The following WNT7B variants were observed in gnomAD, a reference collection of about 807,000 sequenced individuals.
WNT7B encodes the protein protein Wnt-7b.
In WNT7B, 19 loss-of-function variants were observed where a neutral mutation model predicts 38.2. That is an observed-to-expected ratio of 0.50 (90% CI 0.35 to 0.73). The LOEUF is 0.73. Ranked by LOEUF, WNT7B falls within the 30% of genes least tolerant of loss-of-function variation. The pLI is 0.01. For missense variants in WNT7B, 423 were observed against 507.9 expected (o/e 0.83, Z 1.61); for synonymous variants, 243 against 209.3 (o/e 1.16, Z -1.39).
chr22:45,974,081 A>G (rs1932505306), intron 1 of WNT7B, among the ~76,000 whole-genome samples: 2 of 152,186 alleles, frequency 1.3e-5, no homozygotes, highest in Non-Finnish European at 2.9e-5. Context: ...CATCACAGTC[A>G]TTAACAATAA....
chr22:45,935,618 G>A lies in WNT7B; in HGVS notation c.299-4249C>T, dbSNP rs116030044. On this transcript the variant is annotated intron_variant, in intron 2 of 3. Coordinates refer to ENST00000339464, the MANE Select transcript of WNT7B (RefSeq NM_058238.3). Reference sequence around the variant, plus strand: ...CTGGGCTCTCACTGGGTGCCCCTCAGGCTGCAGGCAGGATCCACATCTGAT... The same window carrying A: ...CTGGGCTCTCACTGGGTGCCCCTCAAGCTGCAGGCAGGATCCACATCTGAT... Among the ~76,000 whole-genome samples the A allele has an allele frequency of 2.2e-3, 331 of 152,318 alleles. 3 individuals are homozygous for A. The highest frequency in any genetic ancestry group is 7.5e-3 in the African/African-American group (313 of 41,566).
intron 3 of WNT7B, among the ~76,000 whole-genome samples, chr22:45,927,953 G>A (rs975480416): frequency 6.6e-6 from 1 of 152,228 alleles, no homozygotes; most frequent in African/African-American, 2.4e-5. Context: ...GGTGAAGACA[G>A]GCAGGGGCTG....
At chr22:45,958,206 C>T (rs918101241) in intron 1 of WNT7B, among the ~76,000 whole-genome samples, 5 of 152,198 alleles carry the variant, frequency 3.3e-5, no homozygotes, top group Non-Finnish European at 5.9e-5. Context: ...GACGTGGCCC[C>T]TCTGGCTAAG....
At chr22:45,942,098 G>A (rs1569116418) in intron 2 of WNT7B, among the ~76,000 whole-genome samples, 2 of 152,134 alleles carry the variant, frequency 1.3e-5, no homozygotes, top group East Asian at 3.8e-4. Flanking sequence ...TGGATGGGGA[G>A]TACTGTCCCC....
chr22:45,936,064 T>C (rs1457172604), intron 2 of WNT7B: 1 of 985,244 alleles, frequency 1.0e-6, no homozygotes, highest in Non-Finnish European at 1.2e-6. Context: ...CAGAGCAGAC[T>C]ATATTCTGGC....
At chr22:45,953,851 T>C (rs1601733248) in intron 1 of WNT7B, among the ~76,000 whole-genome samples, 1 of 152,120 alleles carries the variant, frequency 6.6e-6, no homozygotes, top group Non-Finnish European at 1.5e-5. Flanking sequence ...TAGACAATGG[T>C]TTGGCAGTTC....
intron 2 of WNT7B, among the ~76,000 whole-genome samples, chr22:45,942,961 A>G (rs949934876): frequency 2.1e-5 from 3 of 142,772 alleles, no homozygotes; most frequent in Admixed American, 6.9e-5. Flanking sequence ...TGCAGTGTGC[A>G]TGTGTGTGTG....
rs113889288 is a variant in WNT7B at position 45,945,225 on chromosome 22, A to G, written c.298+4695T>C. On this transcript the variant is annotated intron_variant, in intron 2 of 3. Coordinates refer to ENST00000339464, the MANE Select transcript of WNT7B (RefSeq NM_058238.3). ...CAGCCTCCTGAGTAGCTGGGAGTAC[A>G]GGCATGTGCCACCACACTCAGCTAA... 4.0e-3 allele frequency among the ~76,000 whole-genome samples: 606 copies of G among 152,188 alleles called. 4 individuals carry two copies. Among genetic ancestry groups the G allele is most frequent in the Non-Finnish European group, 3.8e-3 (257 of 68,018 alleles).
In WNT7B at chr22:45,931,334, C is replaced by T; in HGVS notation, c.334G>A (p.Ala112Thr). Residue 112 changes from alanine to threonine, a missense_variant, in exon 3 of 4, where the codon GCG becomes ACG. Ala to Thr is a moderately conservative substitution (Grantham distance 58). Transcript: ENST00000339464. ...REAAFTYAIT[A>T]AGVAHAVTAA... The stretch of plus-strand genomic sequence containing the variant: ...GTGACGGCGTGCGCCACGCCAGCCG[C>T]GGTGATGGCGTACGTGAAGGCAGCC... The T allele has an allele frequency of 1.3e-6, 2 of 1,595,586 alleles. No individual in the cohort carries two copies. Among genetic ancestry groups the T allele is most frequent in the Non-Finnish European group, 1.7e-6 (2 of 1,177,924 alleles).
chr22:45,934,959 G>A (rs1055027313), intron 2 of WNT7B, among the ~76,000 whole-genome samples: 3 of 152,214 alleles, frequency 2.0e-5, no homozygotes, highest in Admixed American at 2.0e-4. Flanking sequence ...TGCCTGTGTT[G>A]TCTGGTTTAA....
rs1932550271 is a variant in WNT7B, at chr22:45,976,320, G to A, written c.71+364C>T. ...CGCACCCTCCAGGCGGCGAGCGCTC[G>A]GCCCGGGCTCGGCGCCCAGCGCAGC... is the stretch of plus-strand genomic sequence containing the variant. On this transcript the variant is annotated intron_variant, in intron 1 of 3. Coordinates refer to ENST00000339464, the MANE Select transcript of WNT7B (RefSeq NM_058238.3). This position sits in a 1 kb window ranked among gnomAD's most constrained non-coding sequence, Gnocchi z 8.5. Among the ~76,000 whole-genome samples the A allele has an allele frequency of 6.7e-6, 1 of 149,746 alleles. No individual in the cohort carries two copies. Among genetic ancestry groups the A allele is most frequent in the African/African-American group, 2.4e-5 (1 of 41,062 alleles).
intron 1 of WNT7B, among the ~76,000 whole-genome samples, chr22:45,974,364 C>T (rs956345699): frequency 2.6e-5 from 4 of 152,200 alleles, no homozygotes; most frequent in African/African-American, 4.8e-5. Context: ...TAACCCCTGA[C>T]GACACACCTG....
chr22:45,931,936 G>A (rs931958745), intron 2 of WNT7B, among the ~76,000 whole-genome samples: 1 of 152,196 alleles, frequency 6.6e-6, no homozygotes, highest in African/African-American at 2.4e-5. Flanking sequence ...AAGTCACACA[G>A]CTCAGAAGCT....
chr22:45,960,895 TG>T (rs937101096), intron 1 of WNT7B, among the ~76,000 whole-genome samples: 2 of 152,170 alleles, frequency 1.3e-5, no homozygotes, highest in African/African-American at 4.8e-5. Flanking sequence ...CAGGGTTCCT[TG>T]GGGCTGAGTA....
chr22:45,944,974 C>T (rs1390594307), intron 2 of WNT7B, among the ~76,000 whole-genome samples: 1 of 152,254 alleles, frequency 6.6e-6, no homozygotes, highest in East Asian at 1.9e-4. Context: ...CCACCCCCTC[C>T]TGTCCCCTAT....
At chr22:45,934,382 A>C (rs1931459592) in intron 2 of WNT7B, among the ~76,000 whole-genome samples, 1 of 152,178 alleles carries the variant, frequency 6.6e-6, no homozygotes, top group African/African-American at 2.4e-5. Context: ...GCGCAGCTGT[A>C]GGCAGGCTCT....
At chr22:45,936,030 T>G (rs1298319193) in intron 2 of WNT7B, 1 of 985,362 alleles carries the variant, frequency 1.0e-6, no homozygotes, top group Non-Finnish European at 1.2e-6. Context: ...AGCAGCAGCA[T>G]CCAGCAGTAT....
In WNT7B at chr22:45,924,297, A is replaced by C. The variant is rs367801622; in HGVS notation, c.571-962T>G. Among the ~76,000 whole-genome samples the C allele has an allele frequency of 2.9e-4, 44 of 152,316 alleles. 1 individual carries two copies. In the South Asian group the frequency reaches 8.7e-3, roughly 30 times the overall value. On this transcript the variant is annotated intron_variant, in intron 3 of 3. Transcript: ENST00000339464. ...TTGGCCCCCAGCTCTAGCCTAGTGG[A>C]GAAGTCCCCCAGAAAATGAATGAAT...
Position 45,976,046 on chromosome 22 carries a change from G to A in WNT7B, c.71+638C>T, listed in dbSNP as rs1033173144. ...AGGGGGAGCGCGGCGAGAGGGGGCC[G>A]GGCCCAGGGCCCAGGGCCCCGGGCG... On this transcript the variant is annotated intron_variant, in intron 1 of 3. Transcript: ENST00000339464. This position sits in a 1 kb window ranked among gnomAD's most constrained non-coding sequence, Gnocchi z 8.5. The A allele has an allele frequency of 6.9e-6, 1 of 144,910 alleles. No homozygotes were observed. Among genetic ancestry groups the A allele is most frequent in the Non-Finnish European group, 1.5e-5 (1 of 65,128 alleles). The allele number at this position is 144,910 out of a possible 1,614,324, so 9.0% of individuals were successfully genotyped here. A position where few individuals can be genotyped will look rare whatever the true frequency, so the allele number is the denominator to read the frequency against.
Sources: gnomAD v4.1 joint callset for allele counts (sites outside exome capture counted in the v4.1 genomes callset) on GRCh38, gnomAD v4.1.1 for gene constraint, Gnocchi (gnomAD v3.1) non-coding constraint, MANE v1.5 for transcripts, NCBI Gene and HGNC (gene_info 2026-07-23, HGNC 2026-07-21) for gene names.